PTPRD: variants seen among roughly 807,000 people sequenced by gnomAD.
PTPRD encodes protein tyrosine phosphatase receptor type D, also known as receptor-type tyrosine-protein phosphatase delta.
A neutral mutation model predicts 214.5 loss-of-function variants in PTPRD; 34 were observed. That is an observed-to-expected ratio of 0.16 (90% CI 0.12 to 0.21). The LOEUF (loss-of-function observed/expected upper bound fraction) is 0.21, where lower values mean the gene tolerates loss of function less well. Among genes scored for constraint, PTPRD ranks in the 10% least tolerant of loss-of-function variants. The pLI, the probability that PTPRD is intolerant of heterozygous loss-of-function variation, is 1.00. For missense variants in PTPRD, 2,545 were observed against 2,398.7 expected, an observed-to-expected ratio of 1.06 and a Z score of -1.27; for synonymous variants, 1,128 against 845.7, an observed-to-expected ratio of 1.33 and a Z score of -5.79.
Position 10,316,665 on chromosome 9 carries a change from T to C in PTPRD, c.-545+24298A>G, listed in dbSNP as rs551798038. ...CTCAAAATGTTAAATTAGAAGATTT[T>C]TAATGTACCTTTTCTGACATATCCA... On this transcript the variant is annotated intron_variant, in intron 3 of 45. Coordinates refer to ENST00000381196, the MANE Select transcript of PTPRD (RefSeq NM_002839.4). Among the ~76,000 whole-genome samples the C allele has an allele frequency of 2.6e-5, 4 of 152,080 alleles. 1 individual carries two copies. Among genetic ancestry groups the C allele is most frequent in the African/African-American group, 9.6e-5 (4 of 41,558 alleles).
intron 3 of PTPRD, among the ~76,000 whole-genome samples, chr9:10,244,409 G>A (rs1365623456): frequency 6.6e-6 from 1 of 152,122 alleles, no homozygotes; most frequent in African/African-American, 2.4e-5. Context: ...CCTGGCTGCT[G>A]AATGCATCTT....
intron 7 of PTPRD, among the ~76,000 whole-genome samples, chr9:9,601,152 T>TGG (rs145964431): frequency 1.5e-5 from 1 of 67,220 alleles, no homozygotes; most frequent in Non-Finnish European, 2.7e-5. Context: ...TGTGTGTGTA[T>TGG]GGGGGGGGGA....
rs115287174 is a variant in PTPRD at position 8,823,785 on chromosome 9, G to A, written c.-103-89839C>T. ...CTAAGGGAGGGTTATTGGATTTTGC[G>A]CGAGAAAAGATTAACGGTGAGTTTG... On this transcript the variant is annotated intron_variant, in intron 11 of 45. Transcript: ENST00000381196. Among the ~76,000 whole-genome samples the A allele has an allele frequency of 1.8e-3, 273 of 152,284 alleles. 1 individual carries two copies. Among genetic ancestry groups the A allele is most frequent in the African/African-American group, 6.2e-3 (259 of 41,564 alleles).
chr9:8,879,931 C>G (rs1463408612), intron 11 of PTPRD, among the ~76,000 whole-genome samples: 1 of 152,150 alleles, frequency 6.6e-6, no homozygotes, highest in African/African-American at 2.4e-5. Context: ...AGAAAAGGAG[C>G]AACCTCTTGG....
At chr9:9,535,550 C>T (rs1201024536) in intron 8 of PTPRD, among the ~76,000 whole-genome samples, 1 of 152,072 alleles carries the variant, frequency 6.6e-6, no homozygotes, top group Admixed American at 6.6e-5. Context: ...ACAATGTACA[C>T]ATACATTAAA....
chr9:8,866,007 C>A (rs2098189834), intron 11 of PTPRD, among the ~76,000 whole-genome samples: 1 of 152,154 alleles, frequency 6.6e-6, no homozygotes, highest in Non-Finnish European at 1.5e-5. Context: ...ATACTTCTAA[C>A]TGGTGTTGAC....
chr9:9,951,158 T>C (rs918230612), intron 4 of PTPRD, among the ~76,000 whole-genome samples: 1 of 152,126 alleles, frequency 6.6e-6, no homozygotes, highest in African/African-American at 2.4e-5. Context: ...CTTTAATGTT[T>C]CAGGGACAAT....
intron 9 of PTPRD, among the ~76,000 whole-genome samples, chr9:9,356,034 G>A (rs1208874468): frequency 2.6e-5 from 4 of 151,384 alleles, no homozygotes; most frequent in African/African-American, 9.7e-5. Flanking sequence ...TGGTGACATT[G>A]ACAAGTTTTA....
At chr9:9,608,476 T>C (rs1401480164) in intron 7 of PTPRD, among the ~76,000 whole-genome samples, 1 of 152,150 alleles carries the variant, frequency 6.6e-6, no homozygotes, top group African/African-American at 2.4e-5. Context: ...TTTCTCTAAA[T>C]ACTTTTCTCC....
rs869096131 is a variant in PTPRD at position 9,976,689 on chromosome 9, CAAAAAAAAA to C, written c.-471-38088_-471-38080del. ...GGTGTGAGCCACTACACCCTGCCACCAAAAAAAAAAAAAAAAAAAAAAATTTACTTTTTT... is the reference window on the plus strand; with the variant it reads ...GGTGTGAGCCACTACACCCTGCCACCAAAAAAAAAAAAAATTTACTTTTTT... On this transcript the variant is annotated intron_variant, in intron 4 of 45. Coordinates refer to ENST00000381196, the MANE Select transcript of PTPRD (RefSeq NM_002839.4). Among the ~76,000 whole-genome samples the C allele has an allele frequency of 5.8e-4, 37 of 63,252 alleles. No homozygotes were observed. The South Asian group carries it at 0.023, about 39-fold the overall frequency. 41.5% of individuals were successfully genotyped at this position (63,252 alleles called of 152,430 possible).
At chr9:10,041,243 A>G (rs1185632480) in intron 3 of PTPRD, among the ~76,000 whole-genome samples, 2 of 151,980 alleles carry the variant, frequency 1.3e-5, no homozygotes, top group African/African-American at 4.8e-5. Flanking sequence ...GTAGTTGTAT[A>G]TTGAGGTAGT....
At chr9:8,715,687 C>T (rs966235246) in intron 12 of PTPRD, among the ~76,000 whole-genome samples, 4 of 152,172 alleles carry the variant, frequency 2.6e-5, no homozygotes, top group African/African-American at 7.2e-5. Flanking sequence ...TTCCTCAGGG[C>T]CTCTTAACAG....
Position 9,063,920 on chromosome 9 carries a change from A to G in PTPRD, c.-142-45185T>C, listed in dbSNP as rs181036908. On this transcript the variant is annotated intron_variant, in intron 10 of 45. Transcript: ENST00000381196. ...AATAATTCAAAGAGAGTAGTCTTCT[A>G]TTTTATATGACATGGCATTAATTCA... Among the ~76,000 whole-genome samples the G allele has an allele frequency of 7.9e-5, 12 of 152,294 alleles. No individual in the cohort carries two copies. The East Asian group carries it at 1.5e-3, about 20-fold the overall frequency.
rs537664379 is a variant in PTPRD, at chr9:10,227,274, G to A, written c.-545+113689C>T. Among the ~76,000 whole-genome samples the A allele has an allele frequency of 3.9e-5, 6 of 152,024 alleles. No individual in the cohort carries two copies. In the East Asian group the frequency reaches 1.2e-3, roughly 30 times the overall value. On this transcript the variant is annotated intron_variant, in intron 3 of 45. Transcript: ENST00000381196. ...ATTACTCTATAGAAAAATGGTATGGGAAGTCATGAATTATAACTTCTACAA... is the reference window on the plus strand; with the variant it reads ...ATTACTCTATAGAAAAATGGTATGGAAAGTCATGAATTATAACTTCTACAA...
intron 3 of PTPRD, among the ~76,000 whole-genome samples, chr9:10,209,477 C>A (rs1339174974): frequency 6.6e-6 from 1 of 152,110 alleles, no homozygotes; most frequent in Non-Finnish European, 1.5e-5. Flanking sequence ...CCAATCAATT[C>A]AAACTTGTTT....
At chr9:8,641,996 G>A (rs2096587202) in intron 12 of PTPRD, among the ~76,000 whole-genome samples, 1 of 152,174 alleles carries the variant, frequency 6.6e-6, no homozygotes, top group African/African-American at 2.4e-5. Context: ...CTGCCGTACT[G>A]AGGACAAAAT....
rs2080023296 is a variant in PTPRD at position 8,366,816 on chromosome 9, T to C, written c.4661+9120A>G. The stretch of plus-strand genomic sequence containing the variant: ...AAGTGTGAATACGAAGCAATGTGAC[T>C]AATATCATAGCACAAAAGACTAGCA... On this transcript the variant is annotated intron_variant, in intron 39 of 45. Coordinates refer to ENST00000381196, the MANE Select transcript of PTPRD (RefSeq NM_002839.4). 2.0e-5 allele frequency among the ~76,000 whole-genome samples: 3 copies of C among 152,322 alleles called. No homozygotes were observed. The South Asian group carries it at 6.2e-4, about 32-fold the overall frequency.
chr9:8,657,293 G>A (rs1596248820), intron 12 of PTPRD, among the ~76,000 whole-genome samples: 1 of 150,690 alleles, frequency 6.6e-6, no homozygotes, highest in South Asian at 2.1e-4. Flanking sequence ...TCAGCCTCCT[G>A]AGTAGCTGGA....
At chr9:8,458,157 C>G (rs2096269789) in intron 33 of PTPRD, among the ~76,000 whole-genome samples, 2 of 152,112 alleles carry the variant, frequency 1.3e-5, no homozygotes, top group African/African-American at 2.4e-5. Context: ...TAGGCCCACA[C>G]TAAAATGCTA....
Sources: gnomAD v4.1 joint callset for allele counts (sites outside exome capture counted in the v4.1 genomes callset) on GRCh38, gnomAD v4.1.1 for gene constraint, MANE v1.5 for transcripts, NCBI Gene and HGNC (gene_info 2026-07-23, HGNC 2026-07-21) for gene names.